TAB2: variants seen among roughly 807,000 people sequenced by gnomAD.
TAB2 encodes TGF-beta activated kinase 1 (MAP3K7) binding protein 2, also known as TGF-beta-activated kinase 1 and MAP3K7-binding protein 2.
TAB2 carries 3 observed loss-of-function variants against 65.0 expected under a neutral mutation model. That is an observed-to-expected ratio of 0.05 (90% CI 0.02 to 0.12). TAB2 has a LOEUF of 0.12. TAB2 is among the 10% of genes least tolerant of loss of function. TAB2 has a pLI of 1.00. For synonymous variants in TAB2, 298 were observed against 285.1 expected, an observed-to-expected ratio of 1.05 and a Z score of -0.46; for missense variants, 623 against 840.3, an observed-to-expected ratio of 0.74 and a Z score of 3.20.
At chr6:149,284,575 C>A (rs566524487) in intron 1 of TAB2, among the ~76,000 whole-genome samples, 3 of 151,572 alleles carry the variant, frequency 2.0e-5, no homozygotes, top group African/African-American at 2.4e-5. Flanking sequence ...AAGAGGAGGT[C>A]GCATCTAATA....
At chr6:149,392,231 C>T (rs1307762944) in intron 3 of TAB2, among the ~76,000 whole-genome samples, 1 of 152,076 alleles carries the variant, frequency 6.6e-6, no homozygotes, top group Non-Finnish European at 1.5e-5. Flanking sequence ...ACATCCACCT[C>T]CCAGGTTCAA....
chr6:149,274,068 T>A (rs1260911509), intron 1 of TAB2, among the ~76,000 whole-genome samples: 2 of 152,272 alleles, frequency 1.3e-5, no homozygotes, highest in African/African-American at 2.4e-5. Context: ...AATATTTCTA[T>A]TGACCAATAT....
chr6:149,407,311 T>G (rs1010648511), intron 6 of TAB2, among the ~76,000 whole-genome samples: 1 of 152,226 alleles, frequency 6.6e-6, no homozygotes, highest in Admixed American at 6.5e-5. Flanking sequence ...AATAAGAATT[T>G]TTTCTTATGA....
chr6:149,338,294 G>T (rs574718841), intron 1 of TAB2, among the ~76,000 whole-genome samples: 3 of 152,112 alleles, frequency 2.0e-5, no homozygotes, highest in Admixed American at 6.6e-5. Context: ...ATGAAGCTTC[G>T]TGGAAAAATC....
chr6:149,254,108 A>AG, intron 1 of TAB2, among the ~76,000 whole-genome samples: 1 of 99,158 alleles, frequency 1.0e-5, no homozygotes. Context: ...GAAGGAAGGA[A>AG]GGAAGGACAG....
At chr6:149,400,274 C>G in intron 6 of TAB2, 5 of 1,147,706 alleles carry the variant, frequency 4.4e-6, no homozygotes, top group Non-Finnish European at 6.1e-6. Flanking sequence ...TGCACGCACC[C>G]TCTCCCTCAT....
In TAB2 at chr6:149,284,693, C is replaced by CAA. The variant is rs1778638180; in HGVS notation, c.-121+65918_-121+65919dup. Among the ~76,000 whole-genome samples the CAA allele has an allele frequency of 2.2e-5, 3 of 138,960 alleles. No homozygotes were observed. In the South Asian group the frequency reaches 6.9e-4, roughly 32 times the overall value. 91.2% of individuals were successfully genotyped at this position (138,960 alleles called of 152,430 possible). A position where few individuals can be genotyped will look rare whatever the true frequency, so the allele number is the denominator to read the frequency against. On this transcript the variant is annotated intron_variant, in intron 1 of 1. Transcript: ENST00000606202. ...ACACACACACACACACACACACACA[C>CAA]AAGAATATAAACAATCTATCCCAAC... is the stretch of plus-strand genomic sequence containing the variant.
intron 1 of TAB2, among the ~76,000 whole-genome samples, chr6:149,278,374 CT>C (rs1778515071): frequency 6.6e-6 from 1 of 152,118 alleles, no homozygotes; most frequent in African/African-American, 2.4e-5. Context: ...TATACTGCCC[CT>C]GTACTCCAAA....
rs1781564330 is a variant in TAB2, at chr6:149,380,234, CT to C, written c.1603+718del. 6 of 159,452 alleles carry C rather than the reference CT, an allele frequency of 3.8e-5. No individual in the cohort carries two copies. The South Asian group carries it at 1.0e-3, about 27-fold the overall frequency. The allele number at this position is 159,452 out of a possible 1,614,324, so 9.9% of individuals were successfully genotyped here. The stretch of plus-strand genomic sequence containing the variant: ...CCAGCCTGGGCAGCAGAGTGAGACC[CT>C]TCTCTGGGGTGGGGGGAAATTCTTC... On this transcript the variant is annotated intron_variant, in intron 3 of 6. Transcript: ENST00000637181.
At chr6:149,344,601 G>GT (rs1413268670) in intron 1 of TAB2, among the ~76,000 whole-genome samples, 1 of 152,080 alleles carries the variant, frequency 6.6e-6, no homozygotes, top group East Asian at 1.9e-4. Context: ...GCTATGTCAT[G>GT]TTTTTTTGAA....
At chr6:149,373,998 A>G (rs1332445605) in intron 2 of TAB2, among the ~76,000 whole-genome samples, 1 of 152,212 alleles carries the variant, frequency 6.6e-6, no homozygotes, top group Admixed American at 6.5e-5. Flanking sequence ...CATAATGACC[A>G]AAACTGATTG....
intron 1 of TAB2, among the ~76,000 whole-genome samples, chr6:149,226,283 G>C (rs1437326407): frequency 6.6e-6 from 1 of 152,204 alleles, no homozygotes; most frequent in African/African-American, 2.4e-5. Flanking sequence ...GGCTGAGAGT[G>C]AATCAAAACT....
chr6:149,401,425 CAG>C (rs1202142956), intron 6 of TAB2: 2 of 154,064 alleles, frequency 1.3e-5, no homozygotes, highest in African/African-American at 2.4e-5. Flanking sequence ...ATAATTATAT[CAG>C]AAACAATAGA....
chr6:149,395,996 T>G (rs560538201), intron 3 of TAB2, among the ~76,000 whole-genome samples: 18 of 152,276 alleles, frequency 1.2e-4, no homozygotes, highest in African/African-American at 4.1e-4. Flanking sequence ...TGTCTCCTTC[T>G]GGAATTCTTT....
At chr6:149,358,699 G>A (rs1478959766) in intron 1 of TAB2, among the ~76,000 whole-genome samples, 1 of 97,092 alleles carries the variant, frequency 1.0e-5, no homozygotes, top group African/African-American at 3.4e-5. Context: ...AAGAAACATT[G>A]TCAGTTTCTC....
chr6:149,363,617 G>A (rs1297012854), intron 1 of TAB2, among the ~76,000 whole-genome samples: 1 of 152,052 alleles, frequency 6.6e-6, no homozygotes, highest in African/African-American at 2.4e-5. Context: ...AGGATAGAAT[G>A]TTGACCATTG....
At chr6:149,352,664 G>T (rs1431666769) in intron 1 of TAB2, among the ~76,000 whole-genome samples, 2 of 152,068 alleles carry the variant, frequency 1.3e-5, no homozygotes, top group East Asian at 3.8e-4. Context: ...TTCATTTACT[G>T]TGTTATCAAC....
At chr6:149,254,058 G>GAA (rs1317674804) in intron 1 of TAB2, among the ~76,000 whole-genome samples, 20 of 125,080 alleles carry the variant, frequency 1.6e-4, no homozygotes, top group South Asian at 8.9e-4. Context: ...AGGGAGAGAG[G>GAA]GAGGAAGGAA....
chr6:149,239,278 G>A (rs1397089632), intron 1 of TAB2, among the ~76,000 whole-genome samples: 2 of 152,176 alleles, frequency 1.3e-5, no homozygotes, highest in Non-Finnish European at 1.5e-5. Context: ...CTTGGTCACC[G>A]TGACTTTAAA....
Sources: gnomAD v4.1 joint callset for allele counts (sites outside exome capture counted in the v4.1 genomes callset) on GRCh38, gnomAD v4.1.1 for gene constraint, MANE v1.5 for transcripts, NCBI Gene and HGNC (gene_info 2026-07-23, HGNC 2026-07-21) for gene names.